PXDN: variants seen among roughly 807,000 people sequenced by gnomAD.
PXDN encodes the protein peroxidasin, also known as peroxidasin homolog.
PXDN carries 77 observed loss-of-function variants against 140.3 expected under a neutral mutation model. The observed-to-expected ratio is 0.55, with a 90% confidence interval of 0.46 to 0.66. The LOEUF (loss-of-function observed/expected upper bound fraction) is 0.66, where lower values mean the gene tolerates loss of function less well. Ranked by LOEUF, PXDN falls within the 30% of genes least tolerant of loss-of-function variation. The pLI is 0.00. For synonymous variants in PXDN, 911 were observed against 857.4 expected, an observed-to-expected ratio of 1.06 and a Z score of -1.09; for missense variants, 1,838 against 2,039.5, an observed-to-expected ratio of 0.90 and a Z score of 1.90.
At position 1,639,474 on chromosome 2, in the gene PXDN, G is replaced by A; in HGVS notation, c.3953-52C>T. The A allele has an allele frequency of 6.2e-7, 1 of 1,608,418 alleles. No homozygotes were observed. Among genetic ancestry groups the A allele is most frequent in the South Asian group, 1.1e-5 (1 of 90,848 alleles). ...TCAGCTCTGAAGGCTCTGACCTCGG[G>A]GAAATTAAGCACATCCTGCCAACTA... On this transcript the variant is annotated intron_variant, in intron 19 of 22. Transcript: ENST00000252804. The surrounding 1 kb of genome is among the most constrained non-coding windows in gnomAD (Gnocchi z 5.0).
intron 1 of PXDN, among the ~76,000 whole-genome samples, chr2:1,726,470 C>T (rs1685187575): frequency 1.3e-5 from 2 of 150,766 alleles, no homozygotes; most frequent in South Asian, 2.1e-4. Context: ...AGGAGATATA[C>T]CTAATGCTAA....
intron 1 of PXDN, among the ~76,000 whole-genome samples, chr2:1,705,084 C>T (rs1272533212): frequency 2.7e-5 from 4 of 149,362 alleles, no homozygotes; most frequent in Non-Finnish European, 5.9e-5. Flanking sequence ...ACCCTGATGT[C>T]GCCCGGCACT....
At chr2:1,686,371 A>T (rs59387889) in intron 4 of PXDN, among the ~76,000 whole-genome samples, 5 of 151,942 alleles carry the variant, frequency 3.3e-5, no homozygotes, top group African/African-American at 1.2e-4. Context: ...AAATTTCAGC[A>T]AACATCTACT....
chr2:1,685,626 G>C lies in PXDN; in HGVS notation c.417-1475C>G, dbSNP rs78641386. Among the ~76,000 whole-genome samples the C allele has an allele frequency of 0.018, 2,750 of 152,212 alleles. 45 individuals are homozygous for C. Among genetic ancestry groups the C allele is most frequent in the African/African-American group, 0.036 (1,495 of 41,534 alleles). ...GAGGTACTGACCGAGGGAAGGAAAGGGGGTATTTCAAGCCCCACGGAGAGC... is the reference window on the plus strand; with the variant it reads ...GAGGTACTGACCGAGGGAAGGAAAGCGGGTATTTCAAGCCCCACGGAGAGC... On this transcript the variant is annotated intron_variant, in intron 4 of 22. Transcript: ENST00000252804. The surrounding 1 kb of genome is among the most constrained non-coding windows in gnomAD (Gnocchi z 5.1).
At chr2:1,646,031 A>G (rs1682843351) in intron 17 of PXDN, 1 of 152,250 alleles carries the variant, frequency 6.6e-6, no homozygotes, top group African/African-American at 2.4e-5. Context: ...GCCCAGGCCA[A>G]CGCCACGCCA....
chr2:1,699,647 T>C (rs1008230379), intron 1 of PXDN, among the ~76,000 whole-genome samples: 3 of 151,942 alleles, frequency 2.0e-5, no homozygotes, highest in African/African-American at 4.8e-5. Context: ...GAGGTGGAGG[T>C]TGCAGTGAGC....
rs144923050 is a variant in PXDN at position 1,683,408 on chromosome 2, C to A, written c.560+248G>T. Among the ~76,000 whole-genome samples the A allele has an allele frequency of 1.8e-4, 28 of 152,238 alleles. No homozygotes were observed. In the East Asian group the frequency reaches 5.2e-3, roughly 28 times the overall value. ...TCCAGCCTGGGCAACAGAGCAAGAC[C>A]CTATCTGAAAAAAAATTTTTTTAAG... On this transcript the variant is annotated intron_variant, in intron 6 of 22. Coordinates refer to ENST00000252804, the MANE Select transcript of PXDN (RefSeq NM_012293.3).
chr2:1,736,289 G>A (rs1685423597), intron 1 of PXDN, among the ~76,000 whole-genome samples: 1 of 152,160 alleles, frequency 6.6e-6, no homozygotes, highest in Non-Finnish European at 1.5e-5. Context: ...TTGATTTAAA[G>A]TAAGGGACAT....
At chr2:1,719,763 C>T (rs1684973177) in intron 1 of PXDN, among the ~76,000 whole-genome samples, 1 of 152,122 alleles carries the variant, frequency 6.6e-6, no homozygotes, top group Admixed American at 6.5e-5. Flanking sequence ...ATGTGACACA[C>T]ATCGTGAACA....
At chr2:1,683,616 G>A (rs1683973726) in intron 6 of PXDN, 40 bp downstream of exon 6, 3 of 1,249,174 alleles carry the variant, frequency 2.4e-6, no homozygotes, top group South Asian at 1.6e-5. Context: ...AGAGAAAGAA[G>A]GCTTTGCAGC....
chr2:1,668,904 A>T (rs574652939), intron 9 of PXDN, among the ~76,000 whole-genome samples: 1 of 152,330 alleles, frequency 6.6e-6, no homozygotes, highest in East Asian at 1.9e-4. Flanking sequence ...TTCCTCAAGG[A>T]TCTAGAACCA....
intron 3 of PXDN, 127 bp downstream of exon 3, chr2:1,691,801 C>T (rs1684187531): frequency 6.4e-6 from 4 of 625,016 alleles, no homozygotes; most frequent in Non-Finnish European, 1.1e-5. Context: ...TACTCACCTT[C>T]TCAAAATAAA....
At chr2:1,733,394 C>G (rs1196623852) in intron 1 of PXDN, among the ~76,000 whole-genome samples, 1 of 152,012 alleles carries the variant, frequency 6.6e-6, no homozygotes, top group African/African-American at 2.4e-5. Context: ...TGTACTGACA[C>G]GATATGGGTG....
Position 1,639,244 on chromosome 2 carries a change from C to T in PXDN, c.4073+58G>A, listed in dbSNP as rs1024768619. ...ACAGCAGGATGCCGGTCCTACTGCCCGACGCCCGCGGTGCGAGGGCCCCTC... is the reference window on the plus strand; with the variant it reads ...ACAGCAGGATGCCGGTCCTACTGCCTGACGCCCGCGGTGCGAGGGCCCCTC... On this transcript the variant is annotated intron_variant, in intron 20 of 22. Coordinates refer to ENST00000252804, the MANE Select transcript of PXDN (RefSeq NM_012293.3). This position sits in a 1 kb window ranked among gnomAD's most constrained non-coding sequence, Gnocchi z 5.0. 216 of 1,565,976 alleles carry T rather than the reference C, an allele frequency of 1.4e-4. No individual in the cohort carries two copies. Among genetic ancestry groups the T allele is most frequent in the Middle Eastern group, 1.9e-4 (1 of 5,228 alleles).
chr2:1,734,464 G>A (rs980406984), intron 1 of PXDN, among the ~76,000 whole-genome samples: 6 of 152,160 alleles, frequency 3.9e-5, no homozygotes, highest in Non-Finnish European at 5.9e-5. Context: ...CTGAAAATAA[G>A]ACAACAATGA....
chr2:1,637,679 G>A (rs12714341), intron 21 of PXDN, among the ~76,000 whole-genome samples: 31,336 of 45,840 alleles, frequency 0.68, 11,810 homozygotes, highest in East Asian at 0.92. Context: ...GTGGAGGCAG[G>A]AGGACCTGCC....
chr2:1,708,546 C>T (rs1006439287), intron 1 of PXDN, among the ~76,000 whole-genome samples: 2 of 152,132 alleles, frequency 1.3e-5, no homozygotes, highest in Non-Finnish European at 1.5e-5. Flanking sequence ...AAACAGAGGC[C>T]GGGGAGGTTC....
chr2:1,650,327 G>A (rs1037018325), intron 16 of PXDN, among the ~76,000 whole-genome samples: 2 of 152,182 alleles, frequency 1.3e-5, no homozygotes, highest in African/African-American at 4.8e-5. Context: ...CCTGGTGGAG[G>A]TCATCCACAC....
At chr2:1,743,560 T>A (rs1572210804) in intron 1 of PXDN, among the ~76,000 whole-genome samples, 1 of 144,314 alleles carries the variant, frequency 6.9e-6, no homozygotes, top group East Asian at 2.2e-4. Context: ...CTGGGGAGGC[T>A]TCCCCGGCGC....
Sources: allele counts gnomAD v4.1 joint callset (sites outside exome capture counted in the v4.1 genomes callset), GRCh38; gene constraint gnomAD v4.1.1; non-coding constraint Gnocchi (gnomAD v3.1); transcripts MANE v1.5; gene names NCBI Gene and HGNC (gene_info 2026-07-23, HGNC 2026-07-21).